Variants in ALCAM observed in about 807,000 individuals in gnomAD.
The protein encoded by ALCAM is CD166 antigen.
ALCAM carries 30 observed loss-of-function variants against 70.9 expected under a neutral mutation model. That is an observed-to-expected ratio of 0.42 (90% CI 0.32 to 0.57). The LOEUF (loss-of-function observed/expected upper bound fraction) is 0.57, where lower values mean the gene tolerates loss of function less well. Among genes scored for constraint, ALCAM ranks in the 20% least tolerant of loss-of-function variants. The probability of loss-of-function intolerance (pLI) is 0.11; values close to 1 mark genes in which losing one functional copy is unlikely to be tolerated. For synonymous variants in ALCAM, 249 were observed against 242.5 expected, an observed-to-expected ratio of 1.03 and a Z score of -0.25; for missense variants, 591 against 695.1, an observed-to-expected ratio of 0.85 and a Z score of 1.68.
chr3:105,493,660 T>C (rs918171351), intron 1 of ALCAM, among the ~76,000 whole-genome samples: 4 of 152,088 alleles, frequency 2.6e-5, no homozygotes, highest in Non-Finnish European at 5.9e-5. Context: ...AGGTAAGAAA[T>C]TGGATTCTCC....
intron 1 of ALCAM, among the ~76,000 whole-genome samples, chr3:105,451,275 GGAAGGAAA>G (rs572260664): frequency 3.4e-5 from 5 of 149,074 alleles, no homozygotes; most frequent in Middle Eastern, 3.2e-3. Flanking sequence ...AGGAAGGAAA[GGAAGGAAA>G]GAAGGAAAGG....
At chr3:105,435,682 A>T (rs941282270) in intron 1 of ALCAM, among the ~76,000 whole-genome samples, 15 of 152,262 alleles carry the variant, frequency 9.9e-5, no homozygotes, top group African/African-American at 3.4e-4. Flanking sequence ...AGCCTATATG[A>T]TGCCAAAATG....
rs368171432 is a variant in ALCAM, at chr3:105,534,739, G to C, written c.624G>C (p.Lys208Asn). 19 of 1,613,808 alleles carry C rather than the reference G, an allele frequency of 1.2e-5. No homozygotes were observed. The highest frequency in any genetic ancestry group is 1.6e-5 in the Non-Finnish European group (19 of 1,179,794). Residue 208 changes from lysine to asparagine, a missense_variant, in exon 6 of 16, where the codon AAG (lysine) becomes AAC (asparagine). Lys to Asn is a moderately conservative substitution (Grantham distance 94). Around this residue, in one of 2 missense-constraint regions of ALCAM, gnomAD observed 427 missense variants for 450.4 expected, o/e 0.95. Coordinates refer to ENST00000306107, the MANE Select transcript of ALCAM (RefSeq NM_001627.4). ...CCATGACTTCCACCCTGGAGTACAA[G>C]ACAACCAAGGCTGACATACAAATGC... is the stretch of plus-strand genomic sequence containing the variant. Reference protein sequence around the residue: ...LYTMTSTLEYKTTKADIQMPF... With the variant: ...LYTMTSTLEYNTTKADIQMPF...
chr3:105,369,230 G>T (rs899019301), intron 1 of ALCAM, among the ~76,000 whole-genome samples: 2 of 152,086 alleles, frequency 1.3e-5, no homozygotes, highest in Non-Finnish European at 2.9e-5. Flanking sequence ...TTTCCTTTTC[G>T]GTGCCGTCAC....
chr3:105,559,114 A>T (rs572682058), intron 14 of ALCAM, among the ~76,000 whole-genome samples: 111 of 150,908 alleles, frequency 7.4e-4, no homozygotes, highest in African/African-American at 2.5e-3. Context: ...GATGAGGAAA[A>T]TTTAAAATAA....
chr3:105,492,148 A>G (rs1938605451), intron 1 of ALCAM, among the ~76,000 whole-genome samples: 1 of 152,182 alleles, frequency 6.6e-6, no homozygotes. Flanking sequence ...GAGAAGAATA[A>G]GAGCTGAGAA....
chr3:105,367,408 T>A lies in ALCAM; in HGVS notation c.-1T>A. ...GTGGCCCACCAAGAAGGAGGAGGAA[T>A]ATGGAATCCAAGGGGGCCAGTTCCT... On this transcript the variant is annotated 5_prime_UTR_variant, in exon 1 of 16. Transcript: ENST00000306107. The A allele has an allele frequency of 1.2e-6, 2 of 1,613,696 alleles. No homozygotes were observed. Among genetic ancestry groups the A allele is most frequent in the Non-Finnish European group, 1.7e-6 (2 of 1,179,798 alleles).
At chr3:105,436,560 C>A (rs562705648) in intron 1 of ALCAM, among the ~76,000 whole-genome samples, 44 of 152,030 alleles carry the variant, frequency 2.9e-4, no homozygotes, top group African/African-American at 9.2e-4. Flanking sequence ...ATCTCCTGAC[C>A]TCGTGATCTA....
At chr3:105,519,536 A>G (rs1051415640) in intron 1 of ALCAM, among the ~76,000 whole-genome samples, 4 of 152,096 alleles carry the variant, frequency 2.6e-5, no homozygotes, top group African/African-American at 7.2e-5. Context: ...TTCCCCTTAT[A>G]AATAAAATTC....
At chr3:105,541,503 T>G in intron 7 of ALCAM, 130 bp from the exon 8 acceptor site, 1 of 989,040 alleles carries the variant, frequency 1.0e-6, no homozygotes, top group Non-Finnish European at 1.4e-6. Context: ...ACTGTACTCT[T>G]TTTGTGTGAT....
At chr3:105,542,165 C>T (rs377241601) in intron 8 of ALCAM, among the ~76,000 whole-genome samples, 36 of 151,870 alleles carry the variant, frequency 2.4e-4, no homozygotes, top group African/African-American at 8.7e-4. Context: ...ATTTAACACC[C>T]AAACTCAGAC....
intron 1 of ALCAM, among the ~76,000 whole-genome samples, chr3:105,445,999 T>A (rs1291545758): frequency 6.6e-6 from 1 of 152,110 alleles, no homozygotes; most frequent in South Asian, 2.1e-4. Context: ...CTAATGTAAA[T>A]GCTCCTGTAC....
chr3:105,434,519 G>A lies in ALCAM; in HGVS notation c.73+67038G>A, dbSNP rs950114607. Reference sequence around the variant, plus strand: ...AAAAATATGAGATTATTTTTCCTCCGATTTTGAGTTTTTCACTAAAAATCT... The same window carrying A: ...AAAAATATGAGATTATTTTTCCTCCAATTTTGAGTTTTTCACTAAAAATCT... On this transcript the variant is annotated intron_variant, in intron 1 of 15. Coordinates refer to ENST00000306107, the MANE Select transcript of ALCAM (RefSeq NM_001627.4). 7.9e-5 allele frequency among the ~76,000 whole-genome samples: 12 copies of A among 151,764 alleles called. No homozygotes were observed. In the East Asian group the frequency reaches 9.7e-4, roughly 12 times the overall value.
chr3:105,397,430 C>CT (rs1457637967), intron 1 of ALCAM, among the ~76,000 whole-genome samples: 3 of 151,848 alleles, frequency 2.0e-5, no homozygotes, highest in African/African-American at 7.2e-5. Context: ...AGTGATAACT[C>CT]TAAGTTTAAA....
chr3:105,504,582 C>CTGCT (rs79853455), intron 1 of ALCAM, among the ~76,000 whole-genome samples: 1 of 152,182 alleles, frequency 6.6e-6, no homozygotes, highest in East Asian at 1.9e-4. Flanking sequence ...CACGGCCTGC[C>CTGCT]GGCCTGCTGG....
chr3:105,409,655 A>G (rs959941048), intron 1 of ALCAM, among the ~76,000 whole-genome samples: 4 of 152,020 alleles, frequency 2.6e-5, no homozygotes, highest in African/African-American at 4.8e-5. Flanking sequence ...TCACCACTGA[A>G]CAACTTACTC....
At chr3:105,538,105 C>T (rs966703750) in intron 6 of ALCAM, among the ~76,000 whole-genome samples, 2 of 151,900 alleles carry the variant, frequency 1.3e-5, no homozygotes, top group Non-Finnish European at 2.9e-5. Flanking sequence ...ATATTCAAAG[C>T]GCTACTTCAG....
chr3:105,405,014 A>G (rs535964686), intron 1 of ALCAM, among the ~76,000 whole-genome samples: 59 of 152,292 alleles, frequency 3.9e-4, no homozygotes, highest in Non-Finnish European at 7.8e-4. Context: ...GGGGTGGCTC[A>G]TACCTGTAAT....
chr3:105,374,822 G>C (rs938225506), intron 1 of ALCAM, among the ~76,000 whole-genome samples: 2 of 152,220 alleles, frequency 1.3e-5, no homozygotes, highest in African/African-American at 4.8e-5. Flanking sequence ...CGAGCCCAAT[G>C]TGACTTCTTA....
Sources: gnomAD v4.1 joint callset for allele counts (sites outside exome capture counted in the v4.1 genomes callset) on GRCh38, gnomAD v4.1.1 for gene constraint, gnomAD v4.1.1 regional missense constraint, MANE v1.5 for transcripts, NCBI Gene and HGNC (gene_info 2026-07-23, HGNC 2026-07-21) for gene names.